The following PALS2 variants were observed in gnomAD, a reference collection of about 807,000 sequenced individuals.
The protein encoded by PALS2 is protein associated with LIN7 2, MAGUK p55 family member.
PALS2 carries 27 observed loss-of-function variants against 61.6 expected under a neutral mutation model. That is an observed-to-expected ratio of 0.44 (90% CI 0.32 to 0.60). PALS2 has a LOEUF of 0.60. PALS2 is among the 20% of genes least tolerant of loss of function. PALS2 has a pLI of 0.05. For synonymous variants in PALS2, 236 were observed against 218.6 expected, an observed-to-expected ratio of 1.08 and a Z score of -0.70; for missense variants, 554 against 639.4, an observed-to-expected ratio of 0.87 and a Z score of 1.44.
intron 1 of PALS2, among the ~76,000 whole-genome samples, chr7:24,598,497 A>G (rs996969051): frequency 2.0e-5 from 3 of 152,198 alleles, no homozygotes; most frequent in African/African-American, 4.8e-5. Flanking sequence ...TCATCTATTT[A>G]AAGTGTTCTT....
intron 9 of PALS2, 59 bp from the exon 10 acceptor site, chr7:24,679,072 G>A: frequency 2.0e-6 from 3 of 1,495,054 alleles, no homozygotes; most frequent in Non-Finnish European, 2.8e-6. Context: ...ATGTATTTTA[G>A]TCTATTTTTT....
At chr7:24,661,853 A>AAACATCATT (rs1786737138) in intron 5 of PALS2, among the ~76,000 whole-genome samples, 2 of 152,222 alleles carry the variant, frequency 1.3e-5, no homozygotes, top group Non-Finnish European at 2.9e-5. Context: ...TTTCATCAAT[A>AAACATCATT]TGGAGAGGCA....
At chr7:24,682,034 G>A (rs1159058110) in intron 11 of PALS2, among the ~76,000 whole-genome samples, 1 of 152,074 alleles carries the variant, frequency 6.6e-6, no homozygotes, top group East Asian at 1.9e-4. Flanking sequence ...TGCAATCCTG[G>A]GAACTTTCTT....
intron 2 of PALS2, chr7:24,624,167 G>T: frequency 8.0e-7 from 1 of 1,256,804 alleles, no homozygotes; most frequent in Non-Finnish European, 1.0e-6. Flanking sequence ...GTAAGTTCTT[G>T]ACTTCCTTTA....
chr7:24,635,731 C>A (rs1583915009), intron 2 of PALS2, among the ~76,000 whole-genome samples: 1 of 151,988 alleles, frequency 6.6e-6, no homozygotes, highest in East Asian at 1.9e-4. Context: ...TATATCAGTA[C>A]CTGTGTCACA....
chr7:24,643,704 G>T (rs905165585), intron 3 of PALS2, among the ~76,000 whole-genome samples: 7 of 152,034 alleles, frequency 4.6e-5, no homozygotes, highest in Admixed American at 4.6e-4. Flanking sequence ...GAAAAGACCA[G>T]GCTATTGTCC....
At chr7:24,628,528 A>C (rs1329496716) in intron 2 of PALS2, among the ~76,000 whole-genome samples, 1 of 152,194 alleles carries the variant, frequency 6.6e-6, no homozygotes, top group Non-Finnish European at 1.5e-5. Context: ...AAGGAAATAA[A>C]GCGTATTCAA....
intron 5 of PALS2, among the ~76,000 whole-genome samples, chr7:24,655,577 T>G (rs1288983463): frequency 6.6e-6 from 1 of 151,126 alleles, no homozygotes; most frequent in Non-Finnish European, 1.5e-5. Context: ...ACCAGTGATA[T>G]AAACTTAAGA....
intron 1 of PALS2, among the ~76,000 whole-genome samples, chr7:24,605,813 G>A (rs1480671208): frequency 6.6e-6 from 1 of 152,080 alleles, no homozygotes; most frequent in African/African-American, 2.4e-5. Flanking sequence ...GATTGCCCAA[G>A]CTATCAGCTA....
chr7:24,605,603 A>G (rs1022191084), intron 1 of PALS2, among the ~76,000 whole-genome samples: 2 of 152,182 alleles, frequency 1.3e-5, no homozygotes, highest in Non-Finnish European at 1.5e-5. Context: ...AAAGACATAA[A>G]GAATAGGTCT....
chr7:24,658,685 T>G (rs1192836714), intron 5 of PALS2, among the ~76,000 whole-genome samples: 1 of 151,930 alleles, frequency 6.6e-6, no homozygotes. Context: ...GCCTCCCAAG[T>G]AGCTGGGACT....
At chr7:24,667,403 A>G (rs1787079153) in intron 8 of PALS2, among the ~76,000 whole-genome samples, 1 of 152,136 alleles carries the variant, frequency 6.6e-6, no homozygotes, top group Admixed American at 6.5e-5. Flanking sequence ...CAAACTGATA[A>G]TTGTTGATTT....
In PALS2 at chr7:24,687,626, G is replaced by A. The variant is rs568101894; in HGVS notation, c.*12G>A. ...GCTGGGTTTACTGATGATTCAGTAA[G>A]GTTAACAATGAAAATTAAACTCTTA... On this transcript the variant is annotated 3_prime_UTR_variant, in exon 12 of 12. Coordinates refer to ENST00000222644, the MANE Select transcript of PALS2 (RefSeq NM_001303037.2). This position sits in a 1 kb window ranked among gnomAD's most constrained non-coding sequence, Gnocchi z 4.5. The A allele has an allele frequency of 2.5e-6, 4 of 1,574,318 alleles. No individual in the cohort carries two copies. The highest frequency in any genetic ancestry group is 4.6e-5 in the East Asian group (2 of 43,932).
chr7:24,596,326 C>T lies in PALS2; in HGVS notation c.-3+22733C>T, dbSNP rs888496094. Among the ~76,000 whole-genome samples the T allele has an allele frequency of 6.6e-6, 1 of 151,798 alleles. No individual in the cohort carries two copies. Among genetic ancestry groups the T allele is most frequent in the Admixed American group, 6.6e-5 (1 of 15,204 alleles). ...TTTCTTCAGTCACCTCCATTGTGAC[C>T]GAATTGAAGAACCAGTTTATCATTG... On this transcript the variant is annotated intron_variant, in intron 1 of 11. Transcript: ENST00000222644. The surrounding 1 kb of genome is among the most constrained non-coding windows in gnomAD (Gnocchi z 4.5).
At chr7:24,659,549 G>C (rs578078462) in intron 5 of PALS2, among the ~76,000 whole-genome samples, 2 of 152,234 alleles carry the variant, frequency 1.3e-5, no homozygotes, top group East Asian at 1.9e-4. Flanking sequence ...TTTGTTCTAG[G>C]ATACAGATGA....
intron 11 of PALS2, among the ~76,000 whole-genome samples, chr7:24,683,728 T>G (rs1341195898): frequency 2.6e-5 from 4 of 152,234 alleles, no homozygotes; most frequent in African/African-American, 9.6e-5. Context: ...TCACTGCTTC[T>G]TGCTAGACCT....
At chr7:24,626,910 C>T (rs114669511) in intron 2 of PALS2, among the ~76,000 whole-genome samples, 2,448 of 152,210 alleles carry the variant, frequency 0.016, 78 homozygotes, top group African/African-American at 0.056. Context: ...GACTCCCACA[C>T]CATAATAGTC....
chr7:24,619,220 A>C (rs995045406), intron 1 of PALS2, among the ~76,000 whole-genome samples: 5 of 151,738 alleles, frequency 3.3e-5, no homozygotes, highest in African/African-American at 9.7e-5. Context: ...ATCACAATTT[A>C]ATCTTTGTTT....
chr7:24,593,582 A>G (rs965760959), intron 1 of PALS2, among the ~76,000 whole-genome samples: 1 of 152,136 alleles, frequency 6.6e-6, no homozygotes, highest in South Asian at 2.1e-4. Context: ...ATGGGCTGCA[A>G]AACAGATGTT....
Sources: gnomAD v4.1 joint callset for allele counts (sites outside exome capture counted in the v4.1 genomes callset) on GRCh38, gnomAD v4.1.1 for gene constraint, Gnocchi (gnomAD v3.1) non-coding constraint, MANE v1.5 for transcripts, NCBI Gene and HGNC (gene_info 2026-07-23, HGNC 2026-07-21) for gene names.